The following TBC1D22A variants were observed in gnomAD, a reference collection of about 807,000 sequenced individuals.
TBC1D22A encodes the protein putative GTPase activator.
In TBC1D22A, 38 loss-of-function variants were observed where a neutral mutation model predicts 60.2. The observed-to-expected ratio is 0.63, with a 90% CI of 0.49 to 0.83. The LOEUF is 0.83. Ranked by LOEUF, TBC1D22A falls within the 40% of genes least tolerant of loss-of-function variation. The pLI, the probability that TBC1D22A is intolerant of heterozygous loss-of-function variation, is 0.00. For synonymous variants in TBC1D22A, 302 were observed against 281.7 expected (o/e 1.07, Z -0.72); for missense variants, 628 against 701.0 (o/e 0.90, Z 1.18).
chr22:47,146,970 C>T (rs952408702), intron 12 of TBC1D22A, among the ~76,000 whole-genome samples: 4 of 152,242 alleles, frequency 2.6e-5, no homozygotes, highest in African/African-American at 9.6e-5. Flanking sequence ...CACCGGCTGG[C>T]CCATGAGAGT....
rs900883151 is a variant in TBC1D22A at position 47,158,671 on chromosome 22, G to A, written c.1426-14827G>A. The stretch of plus-strand genomic sequence containing the variant: ...GTCCTGCTCAGGACCCCCTGCAGAG[G>A]ACACACCACACAGCTCTGGTTTCTT... On this transcript the variant is annotated intron_variant, in intron 12 of 12. Coordinates refer to ENST00000337137, the MANE Select transcript of TBC1D22A (RefSeq NM_014346.5). Among the ~76,000 whole-genome samples the A allele has an allele frequency of 2.6e-5, 4 of 152,166 alleles. No homozygotes were observed. The South Asian group carries it at 6.2e-4, about 24-fold the overall frequency.
chr22:46,862,131 A>ATGAC (rs2087923322), intron 4 of TBC1D22A, among the ~76,000 whole-genome samples: 1 of 152,188 alleles, frequency 6.6e-6, no homozygotes, highest in Non-Finnish European at 1.5e-5. Context: ...GGCCTCAGTG[A>ATGAC]TGACATTCAG....
intron 8 of TBC1D22A, chr22:46,913,872 C>A (rs1333856343): frequency 3.4e-6 from 2 of 582,190 alleles, no homozygotes. Context: ...GATGAAGGGG[C>A]ATGACCACGA....
intron 8 of TBC1D22A, among the ~76,000 whole-genome samples, chr22:46,923,229 A>G (rs1055274846): frequency 1.6e-4 from 25 of 152,360 alleles, no homozygotes; most frequent in African/African-American, 4.8e-4. Context: ...ATTGAAGCCT[A>G]TCTCCTCACT....
intron 4 of TBC1D22A, among the ~76,000 whole-genome samples, chr22:46,823,155 C>T (rs760582265): frequency 6.6e-5 from 10 of 151,932 alleles, no homozygotes; most frequent in African/African-American, 2.4e-4. Flanking sequence ...TGTAGGAGGC[C>T]GAATGAGGTA....
intron 1 of TBC1D22A, chr22:46,763,205 G>A: frequency 7.5e-6 from 2 of 265,808 alleles, no homozygotes; most frequent in Non-Finnish European, 1.4e-5. Flanking sequence ...CCGGGCTGAG[G>A]CCCCCCGTCT....
chr22:47,104,039 G>C (rs2065524093), intron 11 of TBC1D22A, among the ~76,000 whole-genome samples: 1 of 152,218 alleles, frequency 6.6e-6, no homozygotes, highest in Non-Finnish European at 1.5e-5. Flanking sequence ...GGGCACGGTG[G>C]CTCACGCCTG....
At chr22:46,956,421 T>C (rs1398732712) in intron 8 of TBC1D22A, among the ~76,000 whole-genome samples, 2 of 152,242 alleles carry the variant, frequency 1.3e-5, no homozygotes, top group Non-Finnish European at 2.9e-5. Context: ...CTGTCTCCAC[T>C]AATGGATGAT....
intron 10 of TBC1D22A, among the ~76,000 whole-genome samples, chr22:46,999,849 C>A (rs1569320249): frequency 6.6e-6 from 1 of 152,028 alleles, no homozygotes; most frequent in Non-Finnish European, 1.5e-5. Flanking sequence ...CATGGTGAAA[C>A]CCTGTCTCTA....
chr22:47,087,646 A>G (rs985917688), intron 11 of TBC1D22A, among the ~76,000 whole-genome samples: 9 of 152,260 alleles, frequency 5.9e-5, no homozygotes, highest in African/African-American at 1.9e-4. Context: ...ATATTTGCAC[A>G]TATATCTATT....
chr22:47,006,117 G>A (rs1340738317), intron 10 of TBC1D22A, among the ~76,000 whole-genome samples: 1 of 152,162 alleles, frequency 6.6e-6, no homozygotes, highest in Non-Finnish European at 1.5e-5. Context: ...TGTGTTTGAG[G>A]CTATTTATGT....
intron 4 of TBC1D22A, among the ~76,000 whole-genome samples, chr22:46,806,710 T>C (rs1030756656): frequency 4.6e-5 from 7 of 152,168 alleles, no homozygotes; most frequent in African/African-American, 1.7e-4. Context: ...ACCTTTGACT[T>C]TCTAGGGGCT....
chr22:46,904,146 C>CTATCTATCTATCTAATCTAT (rs1555937562), intron 7 of TBC1D22A, among the ~76,000 whole-genome samples: 25 of 45,390 alleles, frequency 5.5e-4, no homozygotes, highest in African/African-American at 1.5e-3. Flanking sequence ...TATCTATCTA[C>CTATCTATCTATCTAATCTAT]CTACCTACCT....
chr22:47,158,956 G>GTA (rs2067831133), intron 12 of TBC1D22A, among the ~76,000 whole-genome samples: 1 of 150,922 alleles, frequency 6.6e-6, no homozygotes, highest in African/African-American at 2.4e-5. Flanking sequence ...CACACACCAT[G>GTA]TATACACAGA....
intron 1 of TBC1D22A, among the ~76,000 whole-genome samples, chr22:46,768,353 C>T (rs150058727): frequency 0.023 from 3,481 of 151,964 alleles, 125 homozygotes; most frequent in African/African-American, 0.08. Context: ...GGCGTGGTGG[C>T]AGGCGCCTGT....
chr22:46,830,682 A>G (rs1464681456), intron 4 of TBC1D22A, among the ~76,000 whole-genome samples: 1 of 152,196 alleles, frequency 6.6e-6, no homozygotes, highest in Non-Finnish European at 1.5e-5. Flanking sequence ...AGGGAAGTGA[A>G]TCTTCAAGAA....
chr22:46,842,818 A>G (rs1252820459), intron 4 of TBC1D22A, among the ~76,000 whole-genome samples: 3 of 152,184 alleles, frequency 2.0e-5, no homozygotes, highest in Non-Finnish European at 2.9e-5. Flanking sequence ...ACAGGTAGGG[A>G]TGTTCCAGAG....
chr22:46,794,028 C>T (rs1012066729), intron 3 of TBC1D22A, among the ~76,000 whole-genome samples, 187 bp downstream of exon 3: 2 of 152,190 alleles, frequency 1.3e-5, no homozygotes, highest in Admixed American at 6.5e-5. Context: ...CCTAGGGCCC[C>T]CAAGTGCTTT....
At chr22:46,854,088 G>A (rs1044632102) in intron 4 of TBC1D22A, among the ~76,000 whole-genome samples, 2 of 152,126 alleles carry the variant, frequency 1.3e-5, no homozygotes, top group Non-Finnish European at 1.5e-5. Context: ...TTTTAAACAC[G>A]CTCTTCCTTG....
Sources: gnomAD v4.1 joint callset for allele counts (sites outside exome capture counted in the v4.1 genomes callset) on GRCh38, gnomAD v4.1.1 for gene constraint, MANE v1.5 for transcripts, NCBI Gene and HGNC (gene_info 2026-07-23, HGNC 2026-07-21) for gene names.